CSMD2: variants seen among roughly 807,000 people sequenced by gnomAD.
The protein encoded by CSMD2 is CUB and Sushi multiple domains 2.
CSMD2 carries 130 observed loss-of-function variants against 398.5 expected under a neutral mutation model. The ratio of observed to expected loss-of-function variants is 0.33; its 90% CI spans 0.28 to 0.38. The LOEUF is 0.38. Among genes scored for constraint, CSMD2 ranks in the 10% least tolerant of loss-of-function variants. CSMD2 has a pLI of 1.00. For synonymous variants in CSMD2, 1,828 were observed against 1,908.5 expected (o/e 0.96, Z 1.10); for missense variants, 3,829 against 4,764.9 (o/e 0.80, Z 5.78).
chr1:33,537,741 C>T lies in CSMD2; in HGVS notation c.9632-132G>A. ...GCTTGAACTCTGGGAACCGGGGCAG[C>T]CCCAGGTAGGTGCTTCCACCTGCTG... On this transcript the variant is annotated intron_variant, in intron 60 of 70. Transcript: ENST00000373381. This position sits in a 1 kb window ranked among gnomAD's most constrained non-coding sequence, Gnocchi z 4.6. The T allele has an allele frequency of 8.4e-6, 8 of 947,352 alleles. No individual in the cohort carries two copies. The highest frequency in any genetic ancestry group is 1.0e-5 in the Non-Finnish European group (7 of 668,158). 58.7% of individuals were successfully genotyped at this position (947,352 alleles called of 1,614,324 possible).
chr1:34,013,924 C>T (rs1647719914), intron 3 of CSMD2, among the ~76,000 whole-genome samples: 1 of 152,184 alleles, frequency 6.6e-6, no homozygotes, highest in Non-Finnish European at 1.5e-5. Flanking sequence ...GCAGGCTTCT[C>T]ACACCTAACA....
intron 1 of CSMD2, among the ~76,000 whole-genome samples, chr1:34,133,711 C>T (rs1638400014): frequency 6.6e-6 from 1 of 152,010 alleles, no homozygotes; most frequent in South Asian, 2.1e-4. Flanking sequence ...CCTTGTGTTC[C>T]TTTCCCATAG....
chr1:33,930,377 A>C (rs947521348), intron 4 of CSMD2, among the ~76,000 whole-genome samples: 44 of 152,162 alleles, frequency 2.9e-4, no homozygotes, highest in Admixed American at 7.9e-4. Flanking sequence ...TCCATACCCG[A>C]CACCACTGCT....
intron 2 of CSMD2, among the ~76,000 whole-genome samples, chr1:34,063,257 T>A (rs1654726147): frequency 6.6e-6 from 1 of 152,082 alleles, no homozygotes; most frequent in South Asian, 2.1e-4. Context: ...AATCATGCCT[T>A]CCCAACAGTC....
chr1:33,772,448 C>G (rs1316178040), intron 13 of CSMD2, 121 bp downstream of exon 13: 2 of 813,026 alleles, frequency 2.5e-6, no homozygotes, highest in Admixed American at 4.8e-5. Context: ...ATAAACCAAC[C>G]AGAGTGCAGC....
At chr1:33,864,831 G>C in intron 5 of CSMD2, 1 of 1,227,056 alleles carries the variant, frequency 8.1e-7, no homozygotes, top group East Asian at 2.4e-5. Flanking sequence ...TAGAGTAGCT[G>C]TGACTGATGC....
chr1:34,078,377 C>G (rs1450381955), intron 2 of CSMD2, among the ~76,000 whole-genome samples: 1 of 152,030 alleles, frequency 6.6e-6, no homozygotes, highest in Non-Finnish European at 1.5e-5. Context: ...TTCTACCACA[C>G]CTGAAATTCC....
At chr1:33,792,831 C>T (rs565106226) in intron 10 of CSMD2, among the ~76,000 whole-genome samples, 285 of 152,320 alleles carry the variant, frequency 1.9e-3, no homozygotes, top group South Asian at 5.8e-3. Context: ...TCTTTCTTCA[C>T]GCCTTAATGC....
intron 6 of CSMD2, among the ~76,000 whole-genome samples, chr1:33,827,862 C>G (rs1659008154): frequency 1.3e-5 from 2 of 152,322 alleles, no homozygotes; most frequent in South Asian, 4.1e-4. Flanking sequence ...GATCTGCACC[C>G]AAAGCAATCT....
intron 15 of CSMD2, among the ~76,000 whole-genome samples, chr1:33,732,944 T>C (rs575889697): frequency 2.0e-5 from 3 of 152,294 alleles, no homozygotes; most frequent in African/African-American, 7.2e-5. Flanking sequence ...ATTTCATAGC[T>C]GAGGGAACAT....
intron 1 of CSMD2, among the ~76,000 whole-genome samples, chr1:34,154,609 A>G (rs10914879): frequency 0.25 from 37,653 of 152,170 alleles, 5,418 homozygotes; most frequent in South Asian, 0.39. Context: ...GATATGCAAA[A>G]TATGGAGTTG....
rs144223004 is a variant in CSMD2 at position 33,864,469 on chromosome 1, C to T, written c.921-17473G>A. On this transcript the variant is annotated intron_variant, in intron 5 of 70. Transcript: ENST00000373381. ...CGGAGAAAGCGGGATCCCCAGGAACCCAGACGGCCTCCATCATCCTTCCTA... is the reference window on the plus strand; with the variant it reads ...CGGAGAAAGCGGGATCCCCAGGAACTCAGACGGCCTCCATCATCCTTCCTA... The T allele has an allele frequency of 7.3e-5, 118 of 1,613,382 alleles. No individual in the cohort carries two copies. In the African/African-American group the frequency reaches 1.5e-3, roughly 20 times the overall value.
chr1:33,581,623 A>G (rs1638733707), intron 47 of CSMD2, among the ~76,000 whole-genome samples: 1 of 152,088 alleles, frequency 6.6e-6, no homozygotes, highest in African/African-American at 2.4e-5. Context: ...ATAGCAATAA[A>G]GCTAGAGGAA....
At chr1:33,803,805 G>A (rs549928926) in intron 10 of CSMD2, among the ~76,000 whole-genome samples, 9 of 152,300 alleles carry the variant, frequency 5.9e-5, no homozygotes, top group African/African-American at 2.2e-4. Context: ...TGCTGCTAGA[G>A]TAATTTTCCA....
chr1:33,740,768 A>G (rs2149249440), intron 14 of CSMD2, among the ~76,000 whole-genome samples: 1 of 152,386 alleles, frequency 6.6e-6, no homozygotes, highest in East Asian at 1.9e-4. Flanking sequence ...TTTCAAATGC[A>G]TCAGTCATAC....
chr1:33,798,709 C>T (rs1425050703), intron 10 of CSMD2, among the ~76,000 whole-genome samples: 1 of 152,180 alleles, frequency 6.6e-6, no homozygotes, highest in Non-Finnish European at 1.5e-5. Flanking sequence ...CCAGTGGAGG[C>T]TGATGCAGGG....
chr1:34,076,922 AAAAAAAATATAT>A (rs1265558219), intron 2 of CSMD2, among the ~76,000 whole-genome samples: 1 of 107,182 alleles, frequency 9.3e-6, no homozygotes, highest in Non-Finnish European at 1.8e-5. Context: ...AAAAAAAAAA[AAAAAAAATATAT>A]ATATATATAT....
Position 33,693,186 on chromosome 1 carries a change from G to A in CSMD2, c.3926-130C>T, listed in dbSNP as rs1645300787. On this transcript the variant is annotated intron_variant, in intron 24 of 70. Transcript: ENST00000373381. Reference sequence around the variant, plus strand: ...CATTCATTTCAAGTGATTGAGCACAGCATATTAAAAGGTCTCTGGATGAGA... The same window carrying A: ...CATTCATTTCAAGTGATTGAGCACAACATATTAAAAGGTCTCTGGATGAGA... The A allele has an allele frequency of 2.8e-6, 3 of 1,085,110 alleles. No individual in the cohort carries two copies. In the Admixed American group the frequency reaches 9.1e-5, roughly 33 times the overall value. 67.2% of individuals were successfully genotyped at this position (1,085,110 alleles called of 1,614,324 possible).
chr1:34,144,883 A>G (rs561232771), intron 1 of CSMD2, among the ~76,000 whole-genome samples: 1 of 152,364 alleles, frequency 6.6e-6, no homozygotes, highest in East Asian at 1.9e-4. Context: ...AACTGCATTT[A>G]ACCGCGATCA....
Sources: allele counts gnomAD v4.1 joint callset (sites outside exome capture counted in the v4.1 genomes callset), GRCh38; gene constraint gnomAD v4.1.1; non-coding constraint Gnocchi (gnomAD v3.1); transcripts MANE v1.5; gene names NCBI Gene and HGNC (gene_info 2026-07-23, HGNC 2026-07-21).